The following CSMD3 variants were observed in gnomAD, a reference collection of about 807,000 sequenced individuals.
The protein encoded by CSMD3 is CUB and Sushi multiple domains 3.
CSMD3 carries 177 observed loss-of-function variants against 435.2 expected under a neutral mutation model. The ratio of observed to expected loss-of-function variants is 0.41; its 90% CI spans 0.36 to 0.46. The LOEUF (loss-of-function observed/expected upper bound fraction) is 0.46, where lower values mean the gene tolerates loss of function less well. Ranked by LOEUF, CSMD3 falls within the 20% of genes least tolerant of loss-of-function variation. The probability of loss-of-function intolerance (pLI) is 0.34; values close to 1 mark genes in which losing one functional copy is unlikely to be tolerated. For missense variants in CSMD3, 4,265 were observed against 4,504.6 expected, an observed-to-expected ratio of 0.95 and a Z score of 1.52; for synonymous variants, 1,656 against 1,520.5, an observed-to-expected ratio of 1.09 and a Z score of -2.07.
intron 4 of CSMD3, among the ~76,000 whole-genome samples, chr8:113,172,608 T>C (rs970327187): frequency 1.3e-5 from 2 of 152,194 alleles, no homozygotes; most frequent in African/African-American, 4.8e-5. Context: ...ATGAGGTAAA[T>C]GAGACTCAAA....
intron 15 of CSMD3, among the ~76,000 whole-genome samples, chr8:112,684,728 A>G (rs2075973998): frequency 6.6e-6 from 1 of 152,112 alleles, no homozygotes; most frequent in South Asian, 2.1e-4. Flanking sequence ...TAAGATGTCA[A>G]GATAATTGTT....
At chr8:113,297,549 T>A (rs938023860) in intron 2 of CSMD3, among the ~76,000 whole-genome samples, 1 of 152,078 alleles carries the variant, frequency 6.6e-6, no homozygotes, top group South Asian at 2.1e-4. Flanking sequence ...TAATTAGTAA[T>A]CTAAAAATGC....
At chr8:112,491,197 C>A (rs1413770697) in intron 31 of CSMD3, among the ~76,000 whole-genome samples, 2 of 152,034 alleles carry the variant, frequency 1.3e-5, no homozygotes, top group East Asian at 3.9e-4. Context: ...TATTAGATAT[C>A]AAAAATTGTC....
intron 59 of CSMD3, among the ~76,000 whole-genome samples, chr8:112,276,034 C>G (rs1818003752): frequency 6.6e-6 from 1 of 152,144 alleles, no homozygotes; most frequent in East Asian, 1.9e-4. Flanking sequence ...CCTATAAAAT[C>G]AGAAGGAAGT....
Position 112,549,455 on chromosome 8 carries a change from T to C in CSMD3, c.4564+1216A>G, listed in dbSNP as rs763592749. Reference sequence around the variant, plus strand: ...CTCTTTCACATGAACTTGGGTCATATAGTACAAAATAATTTGTTTGTGTTA... The same window carrying C: ...CTCTTTCACATGAACTTGGGTCATACAGTACAAAATAATTTGTTTGTGTTA... On this transcript the variant is annotated intron_variant, in intron 27 of 70. Transcript: ENST00000297405. 7.9e-5 allele frequency among the ~76,000 whole-genome samples: 12 copies of C among 152,170 alleles called. 1 individual carries two copies. In the South Asian group the frequency reaches 1.0e-3, roughly 13 times the overall value.
intron 1 of CSMD3, among the ~76,000 whole-genome samples, chr8:113,333,630 T>C (rs2094045669): frequency 6.6e-6 from 1 of 151,930 alleles, no homozygotes; most frequent in African/African-American, 2.4e-5. Context: ...GTTCCAATGA[T>C]CTATGTTTCT....
At chr8:112,511,218 G>A (rs1039842375) in intron 28 of CSMD3, among the ~76,000 whole-genome samples, 5 of 151,816 alleles carry the variant, frequency 3.3e-5, no homozygotes, top group African/African-American at 7.3e-5. Flanking sequence ...TGTACCTAAC[G>A]TAATTAAAAA....
At chr8:113,419,067 A>G (rs1231411558) in intron 1 of CSMD3, among the ~76,000 whole-genome samples, 2 of 151,032 alleles carry the variant, frequency 1.3e-5, no homozygotes, top group African/African-American at 4.9e-5. Context: ...AATACATAAT[A>G]TTTGTACATA....
Position 112,829,590 on chromosome 8 carries a change from T to C in CSMD3, c.1859+96A>G, listed in dbSNP as rs559367805. 4.3e-5 allele frequency: 32 copies of C among 742,234 alleles called. No homozygotes were observed. The South Asian group carries it at 4.3e-4, about 10-fold the overall frequency. The allele number at this position is 742,234 out of a possible 1,614,324, so 46.0% of individuals were successfully genotyped here. ...TAAGTTACTGTGCATCTTCTGCTGG[T>C]AGTAGTGGGAGCGATCAATGTAAAA... On this transcript the variant is annotated intron_variant, in intron 12 of 70. Transcript: ENST00000297405.
intron 20 of CSMD3, among the ~76,000 whole-genome samples, chr8:112,639,319 C>G (rs566743545): frequency 3.9e-5 from 6 of 152,062 alleles, no homozygotes; most frequent in Non-Finnish European, 7.4e-5. Flanking sequence ...TATTATAGCA[C>G]TTAACTTCCA....
intron 3 of CSMD3, among the ~76,000 whole-genome samples, chr8:113,254,978 G>A (rs2093367386): frequency 6.6e-6 from 1 of 152,032 alleles, no homozygotes; most frequent in South Asian, 2.1e-4. Flanking sequence ...GGAAAATAAT[G>A]AGTACTTAAA....
intron 5 of CSMD3, among the ~76,000 whole-genome samples, chr8:113,043,875 T>G (rs1222931139): frequency 6.6e-6 from 1 of 152,042 alleles, no homozygotes; most frequent in Non-Finnish European, 1.5e-5. Flanking sequence ...CAAATATGAT[T>G]TTATAAGCAC....
At chr8:112,906,837 C>G (rs915063580) in intron 10 of CSMD3, among the ~76,000 whole-genome samples, 1 of 151,498 alleles carries the variant, frequency 6.6e-6, no homozygotes, top group Admixed American at 6.6e-5. Context: ...CATATTACAA[C>G]CATAGGGTTT....
intron 20 of CSMD3, among the ~76,000 whole-genome samples, chr8:112,644,480 G>A (rs904482627): frequency 6.6e-6 from 1 of 151,972 alleles, no homozygotes; most frequent in African/African-American, 2.4e-5. Context: ...ATGAGTGGTT[G>A]AATCTCATGA....
chr8:113,334,291 TTTTTC>T (rs1015866152), intron 1 of CSMD3, among the ~76,000 whole-genome samples: 2 of 92,416 alleles, frequency 2.2e-5, no homozygotes, highest in African/African-American at 6.4e-5. Context: ...TTTTTTTTTT[TTTTTC>T]ATTTCCAGCC....
chr8:113,316,865 T>C lies in CSMD3; in HGVS notation c.179-2072A>G, dbSNP rs149984405. On this transcript the variant is annotated intron_variant, in intron 1 of 70. Coordinates refer to ENST00000297405, the MANE Select transcript of CSMD3 (RefSeq NM_198123.2). ...GCCAGGCCAAAACAGCTACATACTT[T>C]GGAGCAGCTGACTCTGCTGACTCCA... Among the ~76,000 whole-genome samples the C allele has an allele frequency of 4.9e-3, 748 of 152,282 alleles. 2 individuals carry two copies. The highest frequency in any genetic ancestry group is 6.6e-3 in the Non-Finnish European group (448 of 68,024).
intron 40 of CSMD3, among the ~76,000 whole-genome samples, 162 bp from the exon 41 acceptor site, chr8:112,346,375 T>A (rs547553797): frequency 1.3e-5 from 2 of 152,296 alleles, no homozygotes; most frequent in South Asian, 4.1e-4. Flanking sequence ...TTAAATATAA[T>A]CAACAACAGA....
chr8:112,428,786 GA>G (rs756349934), intron 32 of CSMD3, among the ~76,000 whole-genome samples: 69 of 152,132 alleles, frequency 4.5e-4, no homozygotes, highest in Admixed American at 2.1e-3. Context: ...GATCCTCCCT[GA>G]ATTCTCATTA....
Position 112,636,718 on chromosome 8 carries a change from G to A in CSMD3, c.3715+99C>T, listed in dbSNP as rs1223269949. The A allele has an allele frequency of 2.9e-6, 3 of 1,030,566 alleles. No homozygotes were observed. The East Asian group carries it at 7.4e-5, about 25-fold the overall frequency. 63.8% of individuals were successfully genotyped at this position (1,030,566 alleles called of 1,614,324 possible). On this transcript the variant is annotated intron_variant, in intron 22 of 70. Coordinates refer to ENST00000297405, the MANE Select transcript of CSMD3 (RefSeq NM_198123.2). Reference sequence around the variant, plus strand: ...TTGAAATAATTAATGTGAAATAAATGCAGAAATTCAACAGATTATAAAGAA... The same window carrying A: ...TTGAAATAATTAATGTGAAATAAATACAGAAATTCAACAGATTATAAAGAA...
Sources: allele counts gnomAD v4.1 joint callset (sites outside exome capture counted in the v4.1 genomes callset), GRCh38; gene constraint gnomAD v4.1.1; transcripts MANE v1.5; gene names NCBI Gene and HGNC (gene_info 2026-07-23, HGNC 2026-07-21).